The following CLCN7 variants were observed in gnomAD, a reference collection of about 807,000 sequenced individuals.
The protein encoded by CLCN7 is Cl-/H+ antiporter 7.
Under a neutral mutation model 102.1 loss-of-function variants are expected in CLCN7, and 60 were observed. The ratio of observed to expected loss-of-function variants is 0.59; its 90% CI spans 0.48 to 0.73. The LOEUF is 0.73. Among genes scored for constraint, CLCN7 ranks in the 30% least tolerant of loss-of-function variants. The pLI is 0.00. For synonymous variants in CLCN7, 560 were observed against 490.5 expected (o/e 1.14, Z -1.87); for missense variants, 962 against 1,125.7 (o/e 0.85, Z 2.08).
rs763930418 is a variant in CLCN7, at chr16:1,461,653, A to G, written c.235T>C (p.Phe79Leu). 1 of 1,614,098 alleles carries G rather than the reference A, an allele frequency of 6.2e-7. No homozygotes were observed. Among genetic ancestry groups the G allele is most frequent in the Admixed American group, 1.7e-5 (1 of 60,022 alleles). Reference protein sequence around the residue: ...LDPDMDPPHPFPKEIPHNEKL... With the variant: ...LDPDMDPPHPLPKEIPHNEKL... ...TCGTTGTGTGGGATCTCCTTGGGGA[A>G]GGGATGTGGAGGGTCCATATCCTGT... The change falls in exon 3 of 25, where the codon TTC (phenylalanine) becomes CTC (leucine). Residue 79 changes from phenylalanine (F) to leucine (L), a missense_variant. Physicochemically the swap from Phe to Leu is conservative, Grantham distance 22. Transcript: ENST00000382745.
Position 1,466,140 on chromosome 16 carries a change from G to A in CLCN7, c.142-802C>T, listed in dbSNP as rs745457154. 1.1e-4 allele frequency among the ~76,000 whole-genome samples: 17 copies of A among 152,374 alleles called. 1 individual carries two copies. Among genetic ancestry groups the A allele is most frequent in the Admixed American group, 8.5e-4 (13 of 15,312 alleles). ...CCTTCCAGGTGGAGGGACCGCATGCGCAGGGCGCCCGCCATCTGCATCAGA... is the reference window on the plus strand; with the variant it reads ...CCTTCCAGGTGGAGGGACCGCATGCACAGGGCGCCCGCCATCTGCATCAGA... On this transcript the variant is annotated intron_variant, in intron 1 of 24. Transcript: ENST00000382745.
Position 1,448,475 on chromosome 16 carries a change from C to T in CLCN7, c.1893G>A (p.Met631Ile), listed in dbSNP as rs763006305. ...TSHSLTAREV[M>I]STPVTCLRRR... ...GCCTCAGGCAGGTCACTGGTGTGCT[C>T]ATCACCTCCCTGCCGGAGGAGCCCG... Residue 631 changes from methionine (M) to isoleucine (I), a missense_variant, in exon 21 of 25, where the codon ATG becomes ATA. Met to Ile is a conservative substitution (Grantham distance 10, BLOSUM62 1). Around this residue, in one of 2 missense-constraint regions of CLCN7, gnomAD observed 799 missense variants for 988.0 expected, o/e 0.81. Coordinates refer to ENST00000382745, the MANE Select transcript of CLCN7 (RefSeq NM_001287.6). 1.9e-6 allele frequency: 3 copies of T among 1,610,062 alleles called. No individual in the cohort carries two copies. Among genetic ancestry groups the T allele is most frequent in the South Asian group, 1.1e-5 (1 of 91,076 alleles).
At position 1,453,888 on chromosome 16, in the gene CLCN7, A is replaced by G. The variant is rs1350110258; in HGVS notation, c.1160T>C (p.Val387Ala). The G allele has an allele frequency of 6.2e-7, 1 of 1,613,186 alleles. No individual in the cohort carries two copies. The highest frequency in any genetic ancestry group is 8.5e-7 in the Non-Finnish European group (1 of 1,180,034). ...CAAGGCATTGAACACTGCTCCAAGC[A>G]CACCGCCTGCGAACAGGGGAAAGGC... is the stretch of plus-strand genomic sequence containing the variant. ...VFIAMGVVGG[V>A]LGAVFNALNY... is the part of the protein sequence containing the mutation. Residue 387 changes from valine (V) to alanine (A), a missense_variant, in exon 14 of 25, where the codon GTG becomes GCG. Around this residue, in one of 2 missense-constraint regions of CLCN7, gnomAD observed 799 missense variants for 988.0 expected, o/e 0.81. Transcript: ENST00000382745.
At chr16:1,454,761 G>A (rs113148563) in intron 12 of CLCN7, among the ~76,000 whole-genome samples, 5 of 152,310 alleles carry the variant, frequency 3.3e-5, no homozygotes, top group African/African-American at 9.6e-5. Context: ...AGTTTCCTGC[G>A]CACAGAGCCG....
Position 1,447,470 on chromosome 16 carries a change from G to A in CLCN7, c.2172C>T (p.Ile724=). ...ACTCCCGCTCGTCCTGGGACACGTG[G>A]ATGGACTGGATGGGTGGGAAGCGCG... ...AYPRFPPIQS[I]HVSQDERECT... is the part of the protein sequence containing the mutation. The change falls in exon 23 of 25, where the codon ATC becomes ATT. Residue 724 remains isoleucine, a synonymous_variant. Coordinates refer to ENST00000382745, the MANE Select transcript of CLCN7 (RefSeq NM_001287.6). The A allele has an allele frequency of 6.4e-7, 1 of 1,552,982 alleles. No individual in the cohort carries two copies. Among genetic ancestry groups the A allele is most frequent in the Admixed American group, 1.9e-5 (1 of 51,442 alleles).
At position 1,447,052 on chromosome 16, in the gene CLCN7, C is replaced by A; in HGVS notation, c.2285G>T (p.Arg762Leu). 1 of 1,602,636 alleles carries A rather than the reference C, an allele frequency of 6.2e-7. No homozygotes were observed. Residue 762 changes from arginine to leucine, a missense_variant, in exon 24 of 25, where the codon CGG becomes CTG. Transcript: ENST00000382745. ...ASLPRVFKLF[R>L]ALGLRHLVVV... ...CACCAGGTGCCGCAGGCCCAGGGCC[C>A]GGAACAGCTTGAACACCCGTGGGAG...
chr16:1,457,229 C>A lies in CLCN7; in HGVS notation c.822+25G>T. On this transcript the variant is annotated intron_variant, in intron 9 of 24. Coordinates refer to ENST00000382745, the MANE Select transcript of CLCN7 (RefSeq NM_001287.6). The surrounding 1 kb of genome is among the most constrained non-coding windows in gnomAD (Gnocchi z 5.4). ...TGCCCGTGCCCATGGCATCTGGAGC[C>A]CACCCACACAAGATTTCAACTCACC... 2 of 1,606,532 alleles carry A rather than the reference C, an allele frequency of 1.2e-6. No homozygotes were observed. The highest frequency in any genetic ancestry group is 2.2e-5 in the East Asian group (1 of 44,828).
intron 15 of CLCN7, chr16:1,452,337 C>T (rs34222442): frequency 0.086 from 22,677 of 265,128 alleles, 1,167 homozygotes; most frequent in African/African-American, 0.12. Context: ...TTCCTCTGAG[C>T]GTAGTGCTTT....
Position 1,457,022 on chromosome 16 carries a change from GAAAC to G in CLCN7, c.822+228_822+231del, listed in dbSNP as rs2038845397. On this transcript the variant is annotated intron_variant, in intron 9 of 24. Transcript: ENST00000382745. This position sits in a 1 kb window ranked among gnomAD's most constrained non-coding sequence, Gnocchi z 5.4. ...CTTGGAGCCACAGACCCTCCCACGGGAAACACTGATGCACGTGTGGCAGGGGACC... is the reference window on the plus strand; with the variant it reads ...CTTGGAGCCACAGACCCTCCCACGGGACTGATGCACGTGTGGCAGGGGACC... Among the ~76,000 whole-genome samples the G allele has an allele frequency of 6.6e-6, 1 of 152,110 alleles. No individual in the cohort carries two copies. Among genetic ancestry groups the G allele is most frequent in the Non-Finnish European group, 1.5e-5 (1 of 68,008 alleles).
chr16:1,448,072 G>A (rs2038681884), intron 21 of CLCN7, among the ~76,000 whole-genome samples: 2 of 152,156 alleles, frequency 1.3e-5, no homozygotes, highest in Admixed American at 1.3e-4. Context: ...GCCGAGCTGT[G>A]TGTCCTGTCA....
At chr16:1,460,565 A>C in intron 5 of CLCN7, 38 bp from the exon 6 acceptor site, 1 of 1,535,384 alleles carries the variant, frequency 6.5e-7, no homozygotes, top group Non-Finnish European at 9.0e-7. Context: ...CTTCCCCGTC[A>C]TGACCACCCA....
chr16:1,447,620 C>A, intron 22 of CLCN7, 35 bp downstream of exon 22: 1 of 1,551,758 alleles, frequency 6.4e-7, no homozygotes, highest in South Asian at 1.2e-5. Flanking sequence ...CCCCGGGGCC[C>A]CCACCCGCCC....
rs1411000255 is a variant in CLCN7 at position 1,446,452 on chromosome 16, C to CAGGGTCAGTCCCGCGAG, written c.*162_*178dup. 8 of 709,534 alleles carry CAGGGTCAGTCCCGCGAG rather than the reference C, an allele frequency of 1.1e-5. No homozygotes were observed. The highest frequency in any genetic ancestry group is 2.0e-5 in the Non-Finnish European group (8 of 391,284). 44.0% of individuals were successfully genotyped at this position (709,534 alleles called of 1,614,324 possible). On this transcript the variant is annotated 3_prime_UTR_variant, in exon 25 of 25. Transcript: ENST00000382745. Reference sequence around the variant, plus strand: ...CAAGGGGGGAGACCACTGCCCACAACAGGGTCAGTCCCGCGAGAGGGTCAG... The same window carrying CAGGGTCAGTCCCGCGAG: ...CAAGGGGGGAGACCACTGCCCACAACAGGGTCAGTCCCGCGAGAGGGTCAGTCCCGCGAGAGGGTCAG...
chr16:1,455,616 CA>C, intron 11 of CLCN7, 114 bp downstream of exon 11: 1 of 1,138,108 alleles, frequency 8.8e-7, no homozygotes, highest in Non-Finnish European at 1.3e-6. Flanking sequence ...GACAGACCCA[CA>C]GGGGGTCCAG....
chr16:1,468,892 TTTAAAAG>T (rs1160555644), intron 1 of CLCN7, among the ~76,000 whole-genome samples: 6 of 151,932 alleles, frequency 3.9e-5, no homozygotes, highest in Non-Finnish European at 8.8e-5. Flanking sequence ...TCCAGAGTGA[TTTAAAAG>T]TCAAAAAAGG....
In CLCN7 at chr16:1,457,836, A is replaced by G; in HGVS notation, c.676-80T>C. Reference sequence around the variant, plus strand: ...ACCTGAGCCGTAAAACAGCACACACAGCCCCGATCAGGCAGAGTGGCTGGG... The same window carrying G: ...ACCTGAGCCGTAAAACAGCACACACGGCCCCGATCAGGCAGAGTGGCTGGG... On this transcript the variant is annotated intron_variant, in intron 7 of 24. Coordinates refer to ENST00000382745, the MANE Select transcript of CLCN7 (RefSeq NM_001287.6). The surrounding 1 kb of genome is among the most constrained non-coding windows in gnomAD (Gnocchi z 5.4). 1 of 1,391,322 alleles carries G rather than the reference A, an allele frequency of 7.2e-7. No homozygotes were observed. The highest frequency in any genetic ancestry group is 2.3e-5 in the East Asian group (1 of 43,380). 86.2% of individuals were successfully genotyped at this position (1,391,322 alleles called of 1,614,324 possible).
Position 1,456,183 on chromosome 16 carries a change from G to A in CLCN7, c.846C>T (p.Asp282=). 1.3e-6 allele frequency: 2 copies of A among 1,567,698 alleles called. No individual in the cohort carries two copies. The highest frequency in any genetic ancestry group is 2.3e-5 in the South Asian group (2 of 86,082). The part of the protein sequence containing the change: ...DFKIFEYFRR[D]TEKRDFVSAG... ...CGGAGACGAAGTCCCGCTTCTCTGT[G>A]TCTCTGCGGAAGTACTCGAAGATCT... Residue 282 remains aspartate, a synonymous_variant, in exon 10 of 25, where the codon GAC becomes GAT. Coordinates refer to ENST00000382745, the MANE Select transcript of CLCN7 (RefSeq NM_001287.6).
At position 1,452,802 on chromosome 16, in the gene CLCN7, G is replaced by T. The variant is rs746656282; in HGVS notation, c.1306C>A (p.Arg436=). ...CCCCCCTGCAGGGGCTGGCAATCCCGCGACGAGTAGATCAGCACGAAGGCA... is the reference window on the plus strand; with the variant it reads ...CCCCCCTGCAGGGGCTGGCAATCCCTCGACGAGTAGATCAGCACGAAGGCA... ...TVAFVLIYSS[R]DCQPLQGGSM... is the part of the protein sequence containing the mutation. The change falls in exon 15 of 25, where the codon CGG becomes AGG. Residue 436 remains arginine, a synonymous_variant. Transcript: ENST00000382745. 25 of 1,605,942 alleles carry T rather than the reference G, an allele frequency of 1.6e-5. No homozygotes were observed. The highest frequency in any genetic ancestry group is 2.0e-5 in the Non-Finnish European group (24 of 1,176,796).
chr16:1,467,545 C>T (rs140815719), intron 1 of CLCN7: 1 of 152,532 alleles, frequency 6.6e-6, no homozygotes, highest in African/African-American at 2.4e-5. Flanking sequence ...GAAAACAGCC[C>T]TGGGACCAGC....
Sources: gnomAD v4.1 joint callset for allele counts (sites outside exome capture counted in the v4.1 genomes callset) on GRCh38, gnomAD v4.1.1 for gene constraint, gnomAD v4.1.1 regional missense constraint, Gnocchi (gnomAD v3.1) non-coding constraint, MANE v1.5 for transcripts, NCBI Gene and HGNC (gene_info 2026-07-23, HGNC 2026-07-21) for gene names.